The following ITPR2 variants were observed in gnomAD, a reference collection of about 807,000 sequenced individuals.
ITPR2 encodes the protein inositol 1,4,5-trisphosphate-gated calcium channel ITPR2.
ITPR2 carries 207 observed loss-of-function variants against 317.1 expected under a neutral mutation model. The ratio of observed to expected loss-of-function variants is 0.65; its 90% CI spans 0.58 to 0.73. The LOEUF (loss-of-function observed/expected upper bound fraction) is 0.73, where lower values mean the gene tolerates loss of function less well. Ranked by LOEUF, ITPR2 falls within the 30% of genes least tolerant of loss-of-function variation. The pLI is 0.00. For synonymous variants in ITPR2, 1,156 were observed against 1,149.1 expected, an observed-to-expected ratio of 1.01 and a Z score of -0.12; for missense variants, 2,613 against 3,284.0, an observed-to-expected ratio of 0.80 and a Z score of 4.99.
At chr12:26,596,475 C>T (rs558764181) in intron 31 of ITPR2, among the ~76,000 whole-genome samples, 2 of 151,948 alleles carry the variant, frequency 1.3e-5, no homozygotes, top group Non-Finnish European at 2.9e-5. Context: ...GGTGAAACCC[C>T]ATTTCTACTA....
intron 36 of ITPR2, among the ~76,000 whole-genome samples, chr12:26,551,781 C>T (rs1470410289): frequency 6.6e-6 from 1 of 152,220 alleles, no homozygotes; most frequent in Non-Finnish European, 1.5e-5. Flanking sequence ...GAGGCAGAAA[C>T]CTGGCCGGCA....
chr12:26,628,278 A>C (rs892460951), intron 22 of ITPR2, 116 bp from the exon 23 acceptor site: 9 of 729,528 alleles, frequency 1.2e-5, no homozygotes, highest in Admixed American at 2.8e-5. Context: ...AACTAGTTAG[A>C]AGCTTTTAAC....
intron 2 of ITPR2, among the ~76,000 whole-genome samples, chr12:26,782,368 T>A (rs955910895): frequency 1.3e-5 from 2 of 151,148 alleles, no homozygotes; most frequent in Admixed American, 1.3e-4. Context: ...CCCTAAAGAA[T>A]TTGTACCTGG....
chr12:26,611,341 A>C (rs898059739), intron 26 of ITPR2, among the ~76,000 whole-genome samples: 17 of 152,242 alleles, frequency 1.1e-4, no homozygotes, highest in Non-Finnish European at 1.9e-4. Context: ...ATCCATTAAA[A>C]GAACAAAAAT....
intron 52 of ITPR2, among the ~76,000 whole-genome samples, chr12:26,401,793 G>A (rs1256044994): frequency 6.6e-6 from 1 of 152,136 alleles, no homozygotes; most frequent in Non-Finnish European, 1.5e-5. Flanking sequence ...CTTCTGAGCC[G>A]ACTTTATTTT....
intron 32 of ITPR2, among the ~76,000 whole-genome samples, chr12:26,589,078 G>T (rs1945617595): frequency 6.6e-6 from 1 of 152,166 alleles, no homozygotes; most frequent in Non-Finnish European, 1.5e-5. Context: ...AGTTTTAGCT[G>T]CACTGGAACA....
Position 26,427,862 on chromosome 12 carries a change from T to C in ITPR2, c.6945+51A>G, listed in dbSNP as rs374773261. On this transcript the variant is annotated intron_variant, in intron 49 of 56. Transcript: ENST00000381340. Reference sequence around the variant, plus strand: ...CTTATAGTTATATTTTTATATTTCATACACTTTTAAACTAATTCTGTAACA... The same window carrying C: ...CTTATAGTTATATTTTTATATTTCACACACTTTTAAACTAATTCTGTAACA... 5 of 1,202,656 alleles carry C rather than the reference T, an allele frequency of 4.2e-6. No individual in the cohort carries two copies. In the African/African-American group the frequency reaches 6.3e-5, roughly 15 times the overall value. The allele number at this position is 1,202,656 out of a possible 1,614,324, so 74.5% of individuals were successfully genotyped here.
chr12:26,691,444 T>A (rs1427266385), intron 10 of ITPR2, among the ~76,000 whole-genome samples: 1 of 152,110 alleles, frequency 6.6e-6, no homozygotes, highest in Non-Finnish European at 1.5e-5. Flanking sequence ...AAATTTAACC[T>A]CAGCTAGCTC....
Position 26,681,199 on chromosome 12 carries a change from T to C in ITPR2, c.1409+675A>G, listed in dbSNP as rs533776580. On this transcript the variant is annotated intron_variant, in intron 13 of 56. Transcript: ENST00000381340. Reference sequence around the variant, plus strand: ...AACTATGCAGCTTTACCTTGTTTGCTTACCCTCGTCAGTTTTCCTTTATGT... The same window carrying C: ...AACTATGCAGCTTTACCTTGTTTGCCTACCCTCGTCAGTTTTCCTTTATGT... Among the ~76,000 whole-genome samples, 5 of 152,356 alleles carry C rather than the reference T, an allele frequency of 3.3e-5. No homozygotes were observed. The South Asian group carries it at 8.3e-4, about 25-fold the overall frequency.
chr12:26,709,271 G>A (rs1948606465), intron 9 of ITPR2, among the ~76,000 whole-genome samples: 1 of 152,108 alleles, frequency 6.6e-6, no homozygotes, highest in Admixed American at 6.5e-5. Flanking sequence ...TCAGATATGT[G>A]CTTAATACTT....
intron 8 of ITPR2, among the ~76,000 whole-genome samples, chr12:26,714,280 C>T (rs922725547): frequency 1.3e-5 from 2 of 152,076 alleles, no homozygotes; most frequent in African/African-American, 4.8e-5. Context: ...TCCGTTATTA[C>T]GTCTCCTAAC....
intron 10 of ITPR2, among the ~76,000 whole-genome samples, chr12:26,686,918 T>C (rs746695604): frequency 6.6e-6 from 1 of 152,148 alleles, no homozygotes; most frequent in Non-Finnish European, 1.5e-5. Flanking sequence ...CTCTTAAACC[T>C]ATTTACAAAG....
intron 32 of ITPR2, among the ~76,000 whole-genome samples, chr12:26,589,072 T>C (rs1455314051): frequency 1.3e-5 from 2 of 152,186 alleles, no homozygotes; most frequent in Admixed American, 1.3e-4. Context: ...AACACCAGTT[T>C]TAGCTGCACT....
rs1249324588 is a variant in ITPR2 at position 26,748,836 on chromosome 12, A to G, written c.164-23071T>C. Among the ~76,000 whole-genome samples the G allele has an allele frequency of 2.0e-5, 3 of 152,242 alleles. No individual in the cohort carries two copies. The South Asian group carries it at 6.2e-4, about 32-fold the overall frequency. On this transcript the variant is annotated intron_variant, in intron 2 of 56. Coordinates refer to ENST00000381340, the MANE Select transcript of ITPR2 (RefSeq NM_002223.4). ...TGTAAATTTTGCAGCCCATCAGTAC[A>G]AAGATGTCTAGCAGGGTTAAAACAT... is the stretch of plus-strand genomic sequence containing the variant.
intron 13 of ITPR2, among the ~76,000 whole-genome samples, chr12:26,666,503 A>G (rs1046841734): frequency 6.6e-6 from 1 of 152,226 alleles, no homozygotes; most frequent in Non-Finnish European, 1.5e-5. Context: ...ACTTCTGCTT[A>G]AGGGAAAACA....
chr12:26,737,318 C>G (rs954836325), intron 2 of ITPR2, among the ~76,000 whole-genome samples: 6 of 151,678 alleles, frequency 4.0e-5, no homozygotes, highest in Non-Finnish European at 5.9e-5. Flanking sequence ...GAGAACGGCG[C>G]TATCTCAGCT....
intron 32 of ITPR2, among the ~76,000 whole-genome samples, chr12:26,592,789 T>C (rs1945739345): frequency 6.6e-6 from 1 of 152,250 alleles, no homozygotes; most frequent in South Asian, 2.1e-4. Context: ...CATCTGGATT[T>C]GGTTTATCTC....
intron 28 of ITPR2, among the ~76,000 whole-genome samples, chr12:26,601,230 TG>T (rs768829247): frequency 8.5e-5 from 13 of 152,262 alleles, no homozygotes; most frequent in Non-Finnish European, 1.5e-4. Flanking sequence ...ATGTTTTCAG[TG>T]GTATTTTATA....
At chr12:26,629,196 A>T (rs991834035) in intron 22 of ITPR2, among the ~76,000 whole-genome samples, 1 of 152,006 alleles carries the variant, frequency 6.6e-6, no homozygotes, top group African/African-American at 2.4e-5. Flanking sequence ...TTCTAACAGC[A>T]CTGGAGTGCC....
Sources: gnomAD v4.1 joint callset for allele counts (sites outside exome capture counted in the v4.1 genomes callset) on GRCh38, gnomAD v4.1.1 for gene constraint, MANE v1.5 for transcripts, NCBI Gene and HGNC (gene_info 2026-07-23, HGNC 2026-07-21) for gene names.